SEMA3A: variants seen among roughly 807,000 people sequenced by gnomAD.
The protein encoded by SEMA3A is semaphorin-3A.
SEMA3A carries 29 observed loss-of-function variants against 97.9 expected under a neutral mutation model. The observed-to-expected ratio is 0.30, with a 90% CI of 0.22 to 0.40. The LOEUF is 0.40. Among genes scored for constraint, SEMA3A ranks in the 10% least tolerant of loss-of-function variants. SEMA3A has a pLI of 1.00. For missense variants in SEMA3A, 763 were observed against 951.3 expected (o/e 0.80, Z 2.60); for synonymous variants, 321 against 323.7 (o/e 0.99, Z 0.09).
intron 2 of SEMA3A, among the ~76,000 whole-genome samples, chr7:84,314,582 T>C (rs79090656): frequency 0.024 from 3,607 of 152,268 alleles, 133 homozygotes; most frequent in African/African-American, 0.081. Flanking sequence ...ACATATAATG[T>C]GTGCAATATA....
chr7:84,165,932 A>G (rs1243849824), intron 1 of SEMA3A, among the ~76,000 whole-genome samples: 3 of 152,134 alleles, frequency 2.0e-5, no homozygotes, highest in African/African-American at 2.4e-5. Flanking sequence ...TGTATATCTA[A>G]TATGTGAAAA....
chr7:83,981,418 T>A lies in SEMA3A; in HGVS notation c.1555A>T (p.Ile519Phe). The A allele has an allele frequency of 6.2e-7, 1 of 1,613,814 alleles. No individual in the cohort carries two copies. Among genetic ancestry groups the A allele is most frequent in the Non-Finnish European group, 8.5e-7 (1 of 1,179,838 alleles). ...VAQLPLHRCDIYGKACAECCL... is the reference protein window; with the variant it reads ...VAQLPLHRCDFYGKACAECCL... ...CACTCAGCACACGCTTTCCCGTAAATATCACACCGGTGTAAAGGGAGCTGG... is the reference window on the plus strand; with the variant it reads ...CACTCAGCACACGCTTTCCCGTAAAAATCACACCGGTGTAAAGGGAGCTGG... Residue 519 changes from isoleucine to phenylalanine, a missense_variant, in exon 14 of 17, where the codon ATT becomes TTT. Transcript: ENST00000265362.
chr7:83,984,024 C>G (rs1789527625), intron 13 of SEMA3A, among the ~76,000 whole-genome samples: 1 of 152,092 alleles, frequency 6.6e-6, no homozygotes, highest in African/African-American at 2.4e-5. Context: ...ACTTTCTTCT[C>G]TCATGGTATT....
At chr7:84,216,601 A>G (rs933300402) in intron 3 of SEMA3A, among the ~76,000 whole-genome samples, 5 of 152,198 alleles carry the variant, frequency 3.3e-5, no homozygotes, top group Non-Finnish European at 7.3e-5. Flanking sequence ...GAAAATAAGA[A>G]AGAAACTGTG....
chr7:84,047,339 C>A (rs1300329496), intron 5 of SEMA3A, among the ~76,000 whole-genome samples: 1 of 152,014 alleles, frequency 6.6e-6, no homozygotes, highest in Non-Finnish European at 1.5e-5. Flanking sequence ...CCAGTCGGCA[C>A]TGGCTTGACA....
chr7:84,355,096 G>C (rs1044766984), intron 2 of SEMA3A, among the ~76,000 whole-genome samples: 1 of 151,714 alleles, frequency 6.6e-6, no homozygotes, highest in African/African-American at 2.4e-5. Context: ...CTCTAAATCA[G>C]AATGTTCATA....
chr7:84,328,046 C>A (rs545154410), intron 2 of SEMA3A, among the ~76,000 whole-genome samples: 4 of 152,058 alleles, frequency 2.6e-5, no homozygotes, highest in East Asian at 3.9e-4. Context: ...TGAATTAAAT[C>A]TTTATAAGTG....
chr7:84,042,459 C>T (rs918999648), intron 6 of SEMA3A, among the ~76,000 whole-genome samples: 12 of 151,972 alleles, frequency 7.9e-5, no homozygotes, highest in Admixed American at 6.6e-5. Flanking sequence ...CTCTGGCTGC[C>T]CTTTCACCCT....
chr7:84,283,320 T>C (rs903272437), intron 3 of SEMA3A, among the ~76,000 whole-genome samples: 13 of 152,028 alleles, frequency 8.6e-5, no homozygotes, highest in Non-Finnish European at 1.9e-4. Context: ...AAACTATGGG[T>C]TGGAACTTCT....
chr7:84,026,745 G>T (rs1015646474), intron 6 of SEMA3A, among the ~76,000 whole-genome samples: 15 of 152,082 alleles, frequency 9.9e-5, no homozygotes, highest in African/African-American at 3.6e-4. Flanking sequence ...ACTAACACAG[G>T]AACAGAAAAC....
intron 1 of SEMA3A, 95 bp from the exon 2 acceptor site, chr7:84,135,046 G>T: frequency 1.1e-6 from 1 of 891,030 alleles, no homozygotes; most frequent in Non-Finnish European, 1.7e-6. Context: ...ATTGACTGCT[G>T]TAGTTATCAA....
At chr7:84,325,560 G>T (rs971114739) in intron 2 of SEMA3A, among the ~76,000 whole-genome samples, 7 of 151,948 alleles carry the variant, frequency 4.6e-5, no homozygotes, top group African/African-American at 1.7e-4. Flanking sequence ...CAAGCTAGGT[G>T]ACAGGTGGCA....
intron 6 of SEMA3A, among the ~76,000 whole-genome samples, chr7:84,018,029 C>A (rs1470896639): frequency 1.3e-5 from 2 of 152,122 alleles, no homozygotes; most frequent in African/African-American, 4.8e-5. Flanking sequence ...CCTAGTGTTG[C>A]TAAGAAATTG....
rs200930985 is a variant in SEMA3A at position 84,470,859 on chromosome 7, T to C, written c.-246+21601A>G. ...ATTCTTTCTCCTTATAGACTGTACT[T>C]GACATCTTTTTTTAAATAATTGGAT... On this transcript the variant is annotated intron_variant, in intron 1 of 3. Coordinates refer to the SEMA3A transcript ENST00000424555. 3.9e-5 allele frequency among the ~76,000 whole-genome samples: 6 copies of C among 152,188 alleles called. No individual in the cohort carries two copies. In the East Asian group the frequency reaches 1.2e-3, roughly 29 times the overall value.
chr7:84,209,410 G>A (rs1798571713), intron 3 of SEMA3A, among the ~76,000 whole-genome samples: 11 of 152,170 alleles, frequency 7.2e-5, no homozygotes, highest in Admixed American at 7.2e-4. Flanking sequence ...AGTACAGTAT[G>A]ATGAGGGAAA....
chr7:84,338,542 C>T (rs556583832), intron 2 of SEMA3A, among the ~76,000 whole-genome samples: 1 of 152,212 alleles, frequency 6.6e-6, no homozygotes, highest in Non-Finnish European at 1.5e-5. Flanking sequence ...AAGTTACCCT[C>T]AGACTTTACT....
chr7:84,401,491 GA>G (rs35848664), intron 1 of SEMA3A, among the ~76,000 whole-genome samples: 27,025 of 114,166 alleles, frequency 0.24, 2,515 homozygotes, highest in Middle Eastern at 0.29. Context: ...CACAGAAATA[GA>G]AAAAAAAAAA....
chr7:84,006,186 A>G (rs10266843), intron 10 of SEMA3A, among the ~76,000 whole-genome samples: 130 of 152,232 alleles, frequency 8.5e-4, no homozygotes, highest in African/African-American at 3.0e-3. Flanking sequence ...AACTAAATGC[A>G]ATTAATCTTT....
At chr7:84,231,833 G>A (rs1584149559) in intron 3 of SEMA3A, among the ~76,000 whole-genome samples, 1 of 151,924 alleles carries the variant, frequency 6.6e-6, no homozygotes, top group African/African-American at 2.4e-5. Context: ...GGTTGGGTAG[G>A]AAGCCACTTC....
Sources: allele counts gnomAD v4.1 joint callset (sites outside exome capture counted in the v4.1 genomes callset), GRCh38; gene constraint gnomAD v4.1.1; transcripts MANE v1.5; gene names NCBI Gene and HGNC (gene_info 2026-07-23, HGNC 2026-07-21).